The following SPOCK3 variants were observed in gnomAD, a reference collection of about 807,000 sequenced individuals.
The protein encoded by SPOCK3 is testican-3.
SPOCK3 carries 30 observed loss-of-function variants against 56.6 expected under a neutral mutation model. The ratio of observed to expected loss-of-function variants is 0.53; its 90% confidence interval spans 0.40 to 0.72. The LOEUF (loss-of-function observed/expected upper bound fraction) is 0.72. SPOCK3 is among the 30% of genes least tolerant of loss of function. The probability of loss-of-function intolerance (pLI) is 0.00; values close to 1 mark genes in which losing one functional copy is unlikely to be tolerated. For missense variants in SPOCK3, 527 were observed against 530.0 expected, an observed-to-expected ratio of 0.99 and a Z score of 0.06; for synonymous variants, 196 against 183.3, an observed-to-expected ratio of 1.07 and a Z score of -0.56.
intron 2 of SPOCK3, among the ~76,000 whole-genome samples, chr4:167,227,503 T>C (rs1736706027): frequency 6.6e-6 from 1 of 152,080 alleles, no homozygotes; most frequent in East Asian, 1.9e-4. Flanking sequence ...ATTATTGTGG[T>C]AATGCTAGGT....
chr4:167,100,039 C>G lies in SPOCK3; in HGVS notation c.190-37502G>C, dbSNP rs1030007726. On this transcript the variant is annotated intron_variant, in intron 2 of 10. Coordinates refer to ENST00000357545, the MANE Select transcript of SPOCK3 (RefSeq NM_001040159.2). ...ATAATATGTTCAGAAGTTATTTATT[C>G]TCACATTTGATGTGAATTAAGCTTG... Among the ~76,000 whole-genome samples the G allele has an allele frequency of 2.0e-5, 3 of 152,232 alleles. No homozygotes were observed. The East Asian group carries it at 5.8e-4, about 29-fold the overall frequency.
chr4:167,096,082 A>G (rs907833575), intron 2 of SPOCK3, among the ~76,000 whole-genome samples: 2 of 151,920 alleles, frequency 1.3e-5, no homozygotes, highest in Non-Finnish European at 2.9e-5. Flanking sequence ...GTGCAAAACT[A>G]TAAATCTCTG....
chr4:167,129,702 C>T (rs1483855307), intron 2 of SPOCK3, among the ~76,000 whole-genome samples: 1 of 151,896 alleles, frequency 6.6e-6, no homozygotes, highest in Non-Finnish European at 1.5e-5. Context: ...TGCACTTAAA[C>T]CTATGGACTT....
chr4:167,030,932 C>T (rs897900234), intron 3 of SPOCK3, among the ~76,000 whole-genome samples: 2 of 152,062 alleles, frequency 1.3e-5, no homozygotes, highest in Non-Finnish European at 2.9e-5. Context: ...GAACCAGGCA[C>T]ATTGCTCCAT....
chr4:166,897,402 G>A (rs558124955), intron 5 of SPOCK3, among the ~76,000 whole-genome samples: 1 of 152,162 alleles, frequency 6.6e-6, no homozygotes, highest in African/African-American at 2.4e-5. Context: ...AGAGAGAGGA[G>A]GGTTTTTTTC....
chr4:167,046,824 A>G (rs187907628), intron 3 of SPOCK3, among the ~76,000 whole-genome samples: 355 of 152,304 alleles, frequency 2.3e-3, no homozygotes, highest in Non-Finnish European at 3.9e-3. Context: ...ATGAGCATGA[A>G]ATAAACAATA....
Position 166,748,101 on chromosome 4 carries a change from C to T in SPOCK3, c.932-6042G>A, listed in dbSNP as rs1428570431. Reference sequence around the variant, plus strand: ...ATTCAATGCCATCCCCTTCAAGCTACCAATGACTTTCTTCATAGAATTGGA... The same window carrying T: ...ATTCAATGCCATCCCCTTCAAGCTATCAATGACTTTCTTCATAGAATTGGA... On this transcript the variant is annotated intron_variant, in intron 8 of 10. Transcript: ENST00000357545. Among the ~76,000 whole-genome samples, 5 of 151,514 alleles carry T rather than the reference C, an allele frequency of 3.3e-5. No individual in the cohort carries two copies. The South Asian group carries it at 1.0e-3, about 32-fold the overall frequency.
intron 2 of SPOCK3, among the ~76,000 whole-genome samples, chr4:167,176,923 CTA>C (rs2150480332): frequency 6.6e-6 from 1 of 152,184 alleles, no homozygotes; most frequent in South Asian, 2.1e-4. Context: ...AGTGCAAGGA[CTA>C]TGTTTGTTCA....
intron 4 of SPOCK3, among the ~76,000 whole-genome samples, chr4:166,974,042 G>A (rs188971575): frequency 4.1e-4 from 62 of 152,134 alleles, no homozygotes; most frequent in African/African-American, 1.4e-3. Flanking sequence ...AATATTCATG[G>A]GTTAAAGAGT....
chr4:167,233,690 C>T (rs781219395), intron 2 of SPOCK3, among the ~76,000 whole-genome samples: 1 of 152,102 alleles, frequency 6.6e-6, no homozygotes. Flanking sequence ...AGGTTAGAGC[C>T]AGCACTTTGT....
chr4:166,908,795 T>G (rs1297327157), intron 5 of SPOCK3, among the ~76,000 whole-genome samples: 1 of 152,006 alleles, frequency 6.6e-6, no homozygotes, highest in Non-Finnish European at 1.5e-5. Context: ...ACATCCATGA[T>G]CTAACATAAA....
chr4:166,960,447 A>C (rs1744019873), intron 4 of SPOCK3, among the ~76,000 whole-genome samples: 2 of 152,188 alleles, frequency 1.3e-5, no homozygotes, highest in African/African-American at 4.8e-5. Context: ...GGATGGATAT[A>C]TGTGTCTGCT....
intron 6 of SPOCK3, among the ~76,000 whole-genome samples, chr4:166,856,061 A>C (rs906294527): frequency 1.3e-5 from 2 of 152,142 alleles, no homozygotes; most frequent in Non-Finnish European, 2.9e-5. Flanking sequence ...TGGCAGACAG[A>C]AAGAAAGACA....
chr4:166,954,838 C>A (rs1347416202), intron 4 of SPOCK3, among the ~76,000 whole-genome samples: 2 of 152,212 alleles, frequency 1.3e-5, no homozygotes, highest in Non-Finnish European at 2.9e-5. Flanking sequence ...CAGGTCCAGG[C>A]AGCCAATCAT....
At chr4:167,174,808 C>T (rs1043121808) in intron 2 of SPOCK3, among the ~76,000 whole-genome samples, 11 of 152,078 alleles carry the variant, frequency 7.2e-5, no homozygotes, top group East Asian at 3.9e-4. Flanking sequence ...AACTTAAGTG[C>T]GCGTGCACAC....
intron 2 of SPOCK3, among the ~76,000 whole-genome samples, chr4:167,106,858 T>G (rs1190783407): frequency 6.6e-6 from 1 of 151,622 alleles, no homozygotes; most frequent in African/African-American, 2.4e-5. Context: ...GGATCATTAG[T>G]GGCTACTATG....
chr4:166,840,757 T>C (rs1472732698), intron 6 of SPOCK3, among the ~76,000 whole-genome samples: 2 of 142,794 alleles, frequency 1.4e-5, no homozygotes, highest in South Asian at 2.2e-4. Context: ...TAATTCATCT[T>C]CCCAGAAGCA....
chr4:167,012,076 G>T (rs1200306596), intron 3 of SPOCK3, among the ~76,000 whole-genome samples: 2 of 151,844 alleles, frequency 1.3e-5, no homozygotes, highest in African/African-American at 2.4e-5. Context: ...CTGAAAAAAT[G>T]AGGCAACTTC....
intron 3 of SPOCK3, among the ~76,000 whole-genome samples, chr4:167,006,302 C>T (rs532991159): frequency 2.6e-5 from 4 of 152,204 alleles, no homozygotes; most frequent in Non-Finnish European, 5.9e-5. Context: ...TGAAGAATCC[C>T]GTTTCCTGAG....
Sources: allele counts gnomAD v4.1 joint callset (sites outside exome capture counted in the v4.1 genomes callset), GRCh38; gene constraint gnomAD v4.1.1; transcripts MANE v1.5; gene names NCBI Gene and HGNC (gene_info 2026-07-23, HGNC 2026-07-21).